SGCD: variants seen among roughly 807,000 people sequenced by gnomAD.
SGCD encodes the protein sarcoglycan delta, also known as delta-sarcoglycan.
SGCD carries 18 observed loss-of-function variants against 36.6 expected under a neutral mutation model. The ratio of observed to expected loss-of-function variants is 0.49; its 90% CI spans 0.34 to 0.73. SGCD has a LOEUF of 0.73. SGCD is among the 30% of genes least tolerant of loss of function. The pLI is 0.01. For synonymous variants in SGCD, 133 were observed against 130.6 expected (o/e 1.02, Z -0.12); for missense variants, 387 against 346.7 (o/e 1.12, Z -0.92).
Position 156,647,460 on chromosome 5 carries a change from A to G in SGCD, c.503-4A>G. 1 of 1,575,170 alleles carries G rather than the reference A, an allele frequency of 6.3e-7. No individual in the cohort carries two copies. The highest frequency in any genetic ancestry group is 1.2e-5 in the South Asian group (1 of 86,196). ...CTCTGTTTGCTTTTCTGTTTTGTTT[A>G]CAGGAGCGGAGGGCACAGTGTTCCC... On this transcript the variant is annotated splice_region_variant and splice_polypyrimidine_tract_variant and intron_variant, in intron 6 of 8. Coordinates refer to ENST00000337851, the MANE Select transcript of SGCD (RefSeq NM_000337.6).
At chr5:156,252,154 G>A (rs760753218) in intron 3 of SGCD, among the ~76,000 whole-genome samples, 2 of 150,698 alleles carry the variant, frequency 1.3e-5, no homozygotes, top group Non-Finnish European at 2.9e-5. Context: ...ATCCACCTCC[G>A]CCTCCCGGGT....
chr5:156,095,214 T>TTGC (rs1761346305), intron 1 of SGCD, among the ~76,000 whole-genome samples: 2 of 152,098 alleles, frequency 1.3e-5, no homozygotes, highest in Non-Finnish European at 2.9e-5. Flanking sequence ...TCCCAAGAGG[T>TTGC]ATGCCTACGC....
At chr5:155,776,785 A>C in the SGCD span, among the ~76,000 whole-genome samples, 1 of 152,182 alleles carries the variant, frequency 6.6e-6, no homozygotes, top group East Asian at 1.9e-4. Flanking sequence ...AGACAAAACT[A>C]ACAGATATTC....
the SGCD span, among the ~76,000 whole-genome samples, chr5:155,788,222 C>T: frequency 6.6e-6 from 1 of 152,132 alleles, no homozygotes; most frequent in Non-Finnish European, 1.5e-5. Context: ...TAACCTTCTA[C>T]TTCAAAATAA....
At chr5:156,722,111 G>A (rs757767687) in intron 7 of SGCD, among the ~76,000 whole-genome samples, 11 of 152,158 alleles carry the variant, frequency 7.2e-5, no homozygotes, top group Admixed American at 2.0e-4. Flanking sequence ...TTTCACTGGC[G>A]AAGTAATTTA....
rs558789976 is a variant in SGCD at position 156,751,120 on chromosome 5, CAAGT to C, written c.576-6457_576-6454del. Among the ~76,000 whole-genome samples, 156 of 152,186 alleles carry C rather than the reference CAAGT, an allele frequency of 1.0e-3. 1 individual carries two copies. Among genetic ancestry groups the C allele is most frequent in the South Asian group, 5.6e-3 (27 of 4,830 alleles). ...ATGAAGTATAAAGAATTTTAAAACT[CAAGT>C]AAGCTACAATATTTAATTAAACAAT... On this transcript the variant is annotated intron_variant, in intron 7 of 8. Coordinates refer to ENST00000337851, the MANE Select transcript of SGCD (RefSeq NM_000337.6).
chr5:156,561,755 T>A (rs533981619), intron 4 of SGCD, among the ~76,000 whole-genome samples: 29 of 152,300 alleles, frequency 1.9e-4, no homozygotes, highest in African/African-American at 5.8e-4. Context: ...AGGTTTTTTT[T>A]ATTCTTTTTC....
chr5:156,737,383 A>G (rs978998191), intron 7 of SGCD, among the ~76,000 whole-genome samples: 1 of 152,178 alleles, frequency 6.6e-6, no homozygotes, highest in African/African-American at 2.4e-5. Flanking sequence ...TGGGGATAAT[A>G]ATATTAATGT....
Position 156,762,660 on chromosome 5 carries a change from A to AAAG in SGCD, c.*3271_*3273dup, listed in dbSNP as rs1757519383. ...TGACTTACCACCTTTTCCTGTAGTT[A>AAAG]AAGTTTTATTGTCACATAGCCACAT... On this transcript the variant is annotated 3_prime_UTR_variant, in exon 9 of 9. Transcript: ENST00000337851. 6.6e-6 allele frequency: 1 copy of AAAG among 152,668 alleles called. No individual in the cohort carries two copies. Among genetic ancestry groups the AAAG allele is most frequent in the Non-Finnish European group, 1.5e-5 (1 of 68,038 alleles). The allele number at this position is 152,668 out of a possible 1,614,324, so 9.5% of individuals were successfully genotyped here.
At chr5:156,301,077 C>T (rs1306704542) in intron 3 of SGCD, among the ~76,000 whole-genome samples, 1 of 151,854 alleles carries the variant, frequency 6.6e-6, no homozygotes, top group East Asian at 1.9e-4. Context: ...CAGTCTATTC[C>T]ATTTATATTC....
the SGCD span, among the ~76,000 whole-genome samples, chr5:155,765,443 T>C: frequency 3.4e-5 from 1 of 29,232 alleles, no homozygotes; most frequent in African/African-American, 1.3e-4. Flanking sequence ...GGAGGGAGGG[T>C]GGGAGGGAGG....
chr5:155,951,547 T>C (rs902248557), intron 1 of SGCD, among the ~76,000 whole-genome samples: 2 of 152,236 alleles, frequency 1.3e-5, no homozygotes, highest in African/African-American at 2.4e-5. Context: ...GTTAATGTTA[T>C]TTTTTGTGCA....
intron 3 of SGCD, among the ~76,000 whole-genome samples, chr5:156,283,080 C>G (rs937212489): frequency 6.6e-6 from 1 of 152,056 alleles, no homozygotes; most frequent in Non-Finnish European, 1.5e-5. Context: ...CTCTGCAGGC[C>G]TTTAGTCCTT....
At chr5:156,086,526 A>G (rs976445036) in intron 1 of SGCD, among the ~76,000 whole-genome samples, 3 of 152,228 alleles carry the variant, frequency 2.0e-5, no homozygotes, top group African/African-American at 7.2e-5. Flanking sequence ...TTACAAGGCT[A>G]CATGACTTGT....
At chr5:155,740,866 C>A in the SGCD span, among the ~76,000 whole-genome samples, 1 of 152,184 alleles carries the variant, frequency 6.6e-6, no homozygotes, top group East Asian at 1.9e-4. Flanking sequence ...AGAGTCAAAT[C>A]TGTGAAATAT....
intron 1 of SGCD, among the ~76,000 whole-genome samples, chr5:155,890,677 T>TAGATAGATAGACAGAC (rs1554102514): frequency 2.7e-5 from 4 of 150,566 alleles, no homozygotes; most frequent in African/African-American, 4.9e-5. Context: ...GATAGATAGA[T>TAGATAGATAGACAGAC]AGACAGATAG....
intron 3 of SGCD, among the ~76,000 whole-genome samples, chr5:156,218,150 T>C (rs998604448): frequency 1.3e-5 from 2 of 152,082 alleles, no homozygotes; most frequent in African/African-American, 4.8e-5. Flanking sequence ...GGCATGAGCA[T>C]GTAATCCCAG....
chr5:155,822,160 G>A, the SGCD span, among the ~76,000 whole-genome samples: 1 of 152,156 alleles, frequency 6.6e-6, no homozygotes, highest in South Asian at 2.1e-4. Context: ...AGGAACAGTG[G>A]ATTTAGAACT....
chr5:155,888,859 C>T (rs1389834435), intron 1 of SGCD, among the ~76,000 whole-genome samples: 2 of 152,084 alleles, frequency 1.3e-5, no homozygotes, highest in African/African-American at 4.8e-5. Flanking sequence ...TCATCCTTCC[C>T]CTTGATTATT....
Sources: gnomAD v4.1 joint callset for allele counts (sites outside exome capture counted in the v4.1 genomes callset) on GRCh38, gnomAD v4.1.1 for gene constraint, MANE v1.5 for transcripts, NCBI Gene and HGNC (gene_info 2026-07-23, HGNC 2026-07-21) for gene names.